The following NAPB variants were observed in gnomAD, a reference collection of about 807,000 sequenced individuals.
NAPB encodes the protein NSF attachment protein beta, also known as beta-soluble NSF attachment protein.
In NAPB, 26 loss-of-function variants were observed where a neutral mutation model predicts 44.7. That is an observed-to-expected ratio of 0.58 (90% confidence interval 0.43 to 0.81). The LOEUF is 0.81. Ranked by LOEUF, NAPB falls within the 30% of genes least tolerant of loss-of-function variation. NAPB has a pLI of 0.00. For synonymous variants in NAPB, 120 were observed against 116.8 expected, an observed-to-expected ratio of 1.03 and a Z score of -0.18; for missense variants, 315 against 356.4, an observed-to-expected ratio of 0.88 and a Z score of 0.94.
chr20:23,396,684 C>T (rs914127857), intron 3 of NAPB: 4 of 152,580 alleles, frequency 2.6e-5, no homozygotes, highest in African/African-American at 9.7e-5. Context: ...TCTGAAAACT[C>T]CTTAGGTATT....
Position 23,383,116 on chromosome 20 carries a change from T to C in NAPB, c.562-1799A>G, listed in dbSNP as rs549786912. On this transcript the variant is annotated intron_variant, in intron 7 of 10. Transcript: ENST00000377026. ...GTTGCAGTGAGACAAGATTGCGCCA[T>C]TAAACTGGCACGCCTGGGCGACAGA... 1.2e-3 allele frequency among the ~76,000 whole-genome samples: 162 copies of C among 138,308 alleles called. 1 individual carries two copies. Among genetic ancestry groups the C allele is most frequent in the African/African-American group, 4.4e-3 (157 of 35,660 alleles). 90.7% of individuals were successfully genotyped at this position (138,308 alleles called of 152,430 possible). A position where few individuals can be genotyped will look rare whatever the true frequency, so the allele number is the denominator to read the frequency against.
chr20:23,415,705 T>C (rs1328161074), intron 1 of NAPB, among the ~76,000 whole-genome samples: 1 of 152,296 alleles, frequency 6.6e-6, no homozygotes. Flanking sequence ...CTAACACCTG[T>C]AATCGCAGCA....
intron 1 of NAPB, among the ~76,000 whole-genome samples, chr20:23,405,344 T>A (rs1985167941): frequency 6.6e-6 from 1 of 150,444 alleles, no homozygotes; most frequent in Non-Finnish European, 1.5e-5. Flanking sequence ...AGAAAGAGAA[T>A]GAAAGAGAGA....
At position 23,377,203 on chromosome 20, in the gene NAPB, C is replaced by T; in HGVS notation, c.*173G>A. On this transcript the variant is annotated 3_prime_UTR_variant, in exon 11 of 11. Transcript: ENST00000377026. ...TCATTACCACAAGATGAACAGGAGC[C>T]TCTCCTTCATTCATTTCACAGCAAC... 2 of 380,138 alleles carry T rather than the reference C, an allele frequency of 5.3e-6. No individual in the cohort carries two copies. The highest frequency in any genetic ancestry group is 9.5e-5 in the South Asian group (1 of 10,530). 23.5% of individuals were successfully genotyped at this position (380,138 alleles called of 1,614,324 possible).
At position 23,421,487 on chromosome 20, in the gene NAPB, A is replaced by C. The variant is rs923342892; in HGVS notation, c.-85T>G. 15 of 1,270,784 alleles carry C rather than the reference A, an allele frequency of 1.2e-5. No individual in the cohort carries two copies. In the East Asian group the frequency reaches 4.2e-4, roughly 35 times the overall value. The allele number at this position is 1,270,784 out of a possible 1,614,324, so 78.7% of individuals were successfully genotyped here. ...AACCCTCCCTCTGGCGGCCGCAGGG[A>C]CGCAGGCGCAGGCGCGACGCGCGAG... On this transcript the variant is annotated 5_prime_UTR_variant, in exon 1 of 11. Transcript: ENST00000377026.
intron 1 of NAPB, among the ~76,000 whole-genome samples, chr20:23,413,574 T>C (rs1320471166): frequency 6.6e-6 from 1 of 152,034 alleles, no homozygotes; most frequent in Non-Finnish European, 1.5e-5. Flanking sequence ...AATCAAAATA[T>C]TGGTTGTTTA....
At chr20:23,416,979 A>G (rs1014271393) in intron 1 of NAPB, among the ~76,000 whole-genome samples, 6 of 152,246 alleles carry the variant, frequency 3.9e-5, no homozygotes, top group African/African-American at 1.4e-4. Context: ...CATTAAATTT[A>G]CATTGACATT....
intron 7 of NAPB, among the ~76,000 whole-genome samples, chr20:23,385,832 G>A (rs1190710347): frequency 6.6e-6 from 1 of 152,074 alleles, no homozygotes; most frequent in African/African-American, 2.4e-5. Context: ...ACTCGACAAT[G>A]CCATCATCCA....
intron 2 of NAPB, among the ~76,000 whole-genome samples, chr20:23,402,235 G>A (rs1241711099): frequency 6.6e-6 from 1 of 152,116 alleles, no homozygotes; most frequent in Non-Finnish European, 1.5e-5. Context: ...TCCCACAGCA[G>A]CTGTGAGCCA....
intron 7 of NAPB, among the ~76,000 whole-genome samples, chr20:23,381,776 G>T (rs1983020838): frequency 6.6e-6 from 1 of 152,122 alleles, no homozygotes; most frequent in Non-Finnish European, 1.5e-5. Flanking sequence ...CTGGCCAAAG[G>T]ACTAGAAAAG....
At chr20:23,403,357 C>T (rs905454768) in intron 1 of NAPB, among the ~76,000 whole-genome samples, 2 of 152,158 alleles carry the variant, frequency 1.3e-5, no homozygotes, top group African/African-American at 4.8e-5. Context: ...AATCCCAGAA[C>T]TTTGGGAGGC....
intron 1 of NAPB, among the ~76,000 whole-genome samples, chr20:23,415,869 G>A (rs1985971916): frequency 6.6e-6 from 1 of 152,058 alleles, no homozygotes; most frequent in Non-Finnish European, 1.5e-5. Flanking sequence ...GGGAGGCTGA[G>A]GTGGGAGGAT....
intron 5 of NAPB, among the ~76,000 whole-genome samples, chr20:23,394,582 G>A (rs1366127711): frequency 6.6e-6 from 1 of 152,202 alleles, no homozygotes; most frequent in African/African-American, 2.4e-5. Flanking sequence ...CTGACTGAGT[G>A]TACAGAGGTG....
At chr20:23,388,707 A>G (rs753854910) in intron 7 of NAPB, among the ~76,000 whole-genome samples, 53 of 152,198 alleles carry the variant, frequency 3.5e-4, no homozygotes, top group Non-Finnish European at 4.4e-4. Context: ...ATATCCACAT[A>G]TAAAAGAATA....
intron 2 of NAPB, among the ~76,000 whole-genome samples, chr20:23,400,260 T>G (rs748047400): frequency 6.6e-6 from 1 of 152,196 alleles, no homozygotes; most frequent in Non-Finnish European, 1.5e-5. Flanking sequence ...CAGTGGCTCA[T>G]GCCTGTAATC....
chr20:23,395,836 T>C (rs948296688), intron 3 of NAPB, among the ~76,000 whole-genome samples: 4 of 152,224 alleles, frequency 2.6e-5, no homozygotes, highest in African/African-American at 9.6e-5. Context: ...CATAAAATGA[T>C]GGTGTTTATG....
At chr20:23,390,360 T>C in intron 5 of NAPB, 96 bp from the exon 6 acceptor site, 1 of 1,017,786 alleles carries the variant, frequency 9.8e-7, no homozygotes, top group Non-Finnish European at 1.5e-6. Context: ...ATAAACCTAC[T>C]CTACCAGCAA....
In NAPB at chr20:23,421,275, C is replaced by A. The variant is rs756656899; in HGVS notation, c.98+30G>T. 34 of 1,517,728 alleles carry A rather than the reference C, an allele frequency of 2.2e-5. No homozygotes were observed. The African/African-American group carries it at 2.5e-4, about 11-fold the overall frequency. 94.0% of individuals were successfully genotyped at this position (1,517,728 alleles called of 1,614,324 possible). ...GGGGGCCAAGTACGGAGACCCCCCC[C>A]CCCCAGGGCACGCACGGTCTGGCGC... On this transcript the variant is annotated intron_variant, in intron 1 of 10. Transcript: ENST00000377026.
intron 4 of NAPB, 55 bp from the exon 5 acceptor site, chr20:23,395,054 G>C: frequency 6.2e-7 from 1 of 1,612,118 alleles, no homozygotes. Context: ...CTGAATGCCA[G>C]TTTGGGAACA....
Sources: allele counts gnomAD v4.1 joint callset (sites outside exome capture counted in the v4.1 genomes callset), GRCh38; gene constraint gnomAD v4.1.1; transcripts MANE v1.5; gene names NCBI Gene and HGNC (gene_info 2026-07-23, HGNC 2026-07-21).